The following CERS1 variants were observed in gnomAD, a reference collection of about 807,000 sequenced individuals.
The protein encoded by CERS1 is Embryonic growth/differentiation factor 1.
CERS1 carries 16 observed loss-of-function variants against 35.7 expected under a neutral mutation model. The ratio of observed to expected loss-of-function variants is 0.45; its 90% CI spans 0.30 to 0.68. The LOEUF (loss-of-function observed/expected upper bound fraction) is 0.68, where lower values mean the gene tolerates loss of function less well. CERS1 is among the 30% of genes least tolerant of loss of function. The pLI, the probability that CERS1 is intolerant of heterozygous loss-of-function variation, is 0.08. For missense variants in CERS1, 454 were observed against 453.9 expected (o/e 1.00, Z 0.00); for synonymous variants, 243 against 201.6 (o/e 1.21, Z -1.74).
At chr19:18,872,177 G>A (rs933953655) in intron 6 of CERS1, among the ~76,000 whole-genome samples, 3 of 152,152 alleles carry the variant, frequency 2.0e-5, no homozygotes, top group African/African-American at 4.8e-5. Flanking sequence ...GGGTGCCCCC[G>A]CCCTGGGGCT....
chr19:18,868,802 G>A lies in CERS1; in HGVS notation c.*1183C>T. On this transcript the variant is annotated 3_prime_UTR_variant, in exon 8 of 8. Transcript: ENST00000623882. ...CGGCGGCCCCCCGGACCCCGACAGC[G>A]CGACGGGCAGCGCGCACTGACCCTG... The A allele has an allele frequency of 2.1e-6, 3 of 1,455,746 alleles. No individual in the cohort carries two copies. The highest frequency in any genetic ancestry group is 1.5e-5 in the African/African-American group (1 of 67,000). 90.2% of individuals were successfully genotyped at this position (1,455,746 alleles called of 1,614,324 possible). A position where few individuals can be genotyped will look rare whatever the true frequency, so the allele number is the denominator to read the frequency against.
chr19:18,882,717 G>T (rs775530973), intron 3 of CERS1, among the ~76,000 whole-genome samples: 1 of 151,040 alleles, frequency 6.6e-6, no homozygotes, highest in Non-Finnish European at 1.5e-5. Flanking sequence ...TTTTGAGACG[G>T]AGTCTCGCTC....
At position 18,878,409 on chromosome 19, in the gene CERS1, C is replaced by G; in HGVS notation, c.1010+521G>C. ...GACTCCCACCTGGGCTGGACTGAGT[C>G]TGAGCTCCCAGCCCCAGCTCCTGTT... On this transcript the variant is annotated intron_variant, in intron 6 of 7. Transcript: ENST00000623882. The surrounding 1 kb of genome is among the most constrained non-coding windows in gnomAD (Gnocchi z 4.6). 1.0e-6 allele frequency: 1 copy of G among 990,610 alleles called. No individual in the cohort carries two copies. The highest frequency in any genetic ancestry group is 1.2e-6 in the Non-Finnish European group (1 of 833,096). 61.4% of individuals were successfully genotyped at this position (990,610 alleles called of 1,614,324 possible).
In CERS1 at chr19:18,878,547, C is replaced by T; in HGVS notation, c.1010+383G>A. 9.7e-7 allele frequency: 1 copy of T among 1,033,000 alleles called. No homozygotes were observed. Among genetic ancestry groups the T allele is most frequent in the Non-Finnish European group, 1.2e-6 (1 of 857,890 alleles). The allele number at this position is 1,033,000 out of a possible 1,614,324, so 64.0% of individuals were successfully genotyped here. A position where few individuals can be genotyped will look rare whatever the true frequency, so the allele number is the denominator to read the frequency against. On this transcript the variant is annotated intron_variant, in intron 6 of 7. Transcript: ENST00000623882. This position sits in a 1 kb window ranked among gnomAD's most constrained non-coding sequence, Gnocchi z 4.6. ...GTTCCTTCCTCCCCAGCCCCACTGCCACCAGCTCCAGTGGCGACATGGGTC... is the reference window on the plus strand; with the variant it reads ...GTTCCTTCCTCCCCAGCCCCACTGCTACCAGCTCCAGTGGCGACATGGGTC...
intron 2 of CERS1, among the ~76,000 whole-genome samples, chr19:18,888,147 G>T (rs1338512865): frequency 1.3e-5 from 2 of 152,154 alleles, no homozygotes; most frequent in South Asian, 4.1e-4. Flanking sequence ...ATCACTTGAG[G>T]TCAGAAGTTC....
rs768644742 is a variant in CERS1 at position 18,893,552 on chromosome 19, G to C, written c.273C>G (p.Leu91=). The C allele has an allele frequency of 6.8e-6, 11 of 1,610,296 alleles. No homozygotes were observed. Among genetic ancestry groups the C allele is most frequent in the Non-Finnish European group, 9.3e-6 (11 of 1,178,812 alleles). ...LFRPLAKRCC[L]QPRDAAKMPE... is the part of the protein sequence containing the mutation. ...GCATCTTGGCGGCATCTCTGGGCTGGAGGCAGCACCGCTTCGCCAGGGGCT... is the reference window on the plus strand; with the variant it reads ...GCATCTTGGCGGCATCTCTGGGCTGCAGGCAGCACCGCTTCGCCAGGGGCT... The change falls in exon 2 of 8, where the codon CTC becomes CTG. Residue 91 remains leucine (L), a synonymous_variant. Transcript: ENST00000623882.
chr19:18,872,723 C>A (rs1278556962), intron 6 of CERS1, among the ~76,000 whole-genome samples: 1 of 83,344 alleles, frequency 1.2e-5, no homozygotes, highest in Non-Finnish European at 2.6e-5. Flanking sequence ...ACCATGTTGG[C>A]CAGGCTGGTC....
intron 2 of CERS1, among the ~76,000 whole-genome samples, chr19:18,885,530 T>TG (rs2056332158): frequency 6.8e-6 from 1 of 146,794 alleles, no homozygotes; most frequent in African/African-American, 2.6e-5. Context: ...TTTTTTTTTT[T>TG]TTTTTTTGAG....
chr19:18,895,655 C>T lies in CERS1; in HGVS notation c.249+169G>A, dbSNP rs1008298655. Among the ~76,000 whole-genome samples, 6 of 151,718 alleles carry T rather than the reference C, an allele frequency of 4.0e-5. No individual in the cohort carries two copies. Among genetic ancestry groups the T allele is most frequent in the African/African-American group, 1.5e-4 (6 of 41,270 alleles). On this transcript the variant is annotated intron_variant, in intron 1 of 7. Coordinates refer to ENST00000623882, the MANE Select transcript of CERS1 (RefSeq NM_021267.5). The surrounding 1 kb of genome is among the most constrained non-coding windows in gnomAD (Gnocchi z 6.4). Reference sequence around the variant, plus strand: ...CGGCCCGAGAGACCTTATCCTGGGGCTCCAACGTCCTGGGCCTCTCCAGCC... The same window carrying T: ...CGGCCCGAGAGACCTTATCCTGGGGTTCCAACGTCCTGGGCCTCTCCAGCC...
intron 2 of CERS1, among the ~76,000 whole-genome samples, 191 bp from the exon 3 acceptor site, chr19:18,884,458 G>A (rs1013116784): frequency 1.5e-4 from 22 of 147,824 alleles, no homozygotes; most frequent in Admixed American, 6.9e-4. Context: ...TCCCTCTGTC[G>A]CCCAGGCTGG....
chr19:18,877,756 C>CA (rs386388683), intron 6 of CERS1, among the ~76,000 whole-genome samples: 37,451 of 103,940 alleles, frequency 0.36, 7,672 homozygotes, highest in Admixed American at 0.49. Context: ...GACCCTGTCT[C>CA]AAAAAAAAAA....
chr19:18,887,068 C>T (rs1489040451), intron 2 of CERS1, among the ~76,000 whole-genome samples: 1 of 152,248 alleles, frequency 6.6e-6, no homozygotes, highest in Non-Finnish European at 1.5e-5. Context: ...GTGTCCCTGT[C>T]TACAGCAGCA....
chr19:18,881,735 G>C (rs887293027), intron 3 of CERS1: 3 of 151,980 alleles, frequency 2.0e-5, no homozygotes, highest in Non-Finnish European at 4.4e-5. Context: ...GCCAGTGCCT[G>C]GCATTCAGCA....
chr19:18,877,427 C>A (rs984105791), intron 6 of CERS1, among the ~76,000 whole-genome samples: 12 of 152,314 alleles, frequency 7.9e-5, no homozygotes, highest in Non-Finnish European at 7.3e-5. Flanking sequence ...TTGGAAGACT[C>A]CTTGGAGAGA....
At chr19:18,876,536 TTGTGTGTGTGTGTG>T (rs60266196) in intron 6 of CERS1, among the ~76,000 whole-genome samples, 4 of 143,184 alleles carry the variant, frequency 2.8e-5, no homozygotes, top group African/African-American at 1.0e-4. Flanking sequence ...TTTGATTGGG[TTGTGTGTGTGTGTG>T]TGTGTGTGTG....
At chr19:18,891,210 G>T (rs2056482283) in intron 2 of CERS1, among the ~76,000 whole-genome samples, 1 of 152,186 alleles carries the variant, frequency 6.6e-6, no homozygotes, top group Non-Finnish European at 1.5e-5. Flanking sequence ...CCCCTCTAGG[G>T]GATCAAGGTG....
chr19:18,877,848 C>T, intron 6 of CERS1: 1 of 435,930 alleles, frequency 2.3e-6, no homozygotes, highest in Non-Finnish European at 3.1e-6. Context: ...CCGCATCTGC[C>T]AGAACCCATG....
chr19:18,869,489 G>A (rs186263243), intron 7 of CERS1, 99 bp from the exon 8 acceptor site: 26,457 of 1,435,910 alleles, frequency 0.018, 305 homozygotes, highest in Non-Finnish European at 0.022. Flanking sequence ...CTGGGGCTCG[G>A]GGCGCACCGT....
chr19:18,885,794 C>T (rs186012996), intron 2 of CERS1, among the ~76,000 whole-genome samples: 110 of 152,108 alleles, frequency 7.2e-4, no homozygotes, highest in African/African-American at 2.5e-3. Context: ...GCTGGGATTA[C>T]GGGCGTGAGC....
Sources: gnomAD v4.1 joint callset for allele counts (sites outside exome capture counted in the v4.1 genomes callset) on GRCh38, gnomAD v4.1.1 for gene constraint, Gnocchi (gnomAD v3.1) non-coding constraint, MANE v1.5 for transcripts, NCBI Gene and HGNC (gene_info 2026-07-23, HGNC 2026-07-21) for gene names.